Variants in PKHD1 observed in about 807,000 individuals in gnomAD.
PKHD1 encodes PKHD1 ciliary IPT domain containing fibrocystin/polyductin.
PKHD1 carries 291 observed loss-of-function variants against 412.0 expected under a neutral mutation model. The observed-to-expected ratio is 0.71, with a 90% CI of 0.64 to 0.78. The LOEUF (loss-of-function observed/expected upper bound fraction) is 0.78, where lower values mean the gene tolerates loss of function less well. PKHD1 is among the 30% of genes least tolerant of loss of function. The pLI is 0.00. For synonymous variants in PKHD1, 1,777 were observed against 1,821.5 expected (o/e 0.98, Z 0.62); for missense variants, 4,825 against 4,950.7 (o/e 0.97, Z 0.76).
At position 51,746,836 on chromosome 6, in the gene PKHD1, A is replaced by G. The variant is rs1461108525; in HGVS notation, c.9883T>C (p.Cys3295Arg). ...CTGTTCTCTGCATTTGGTAGAATGC[A>G]GACATCCAGGTCATCGCTATAGCAA... ...KSCYSDDLDV[C>R]ILPNAENSGI... The change falls in exon 59 of 67, where the codon TGC becomes CGC. Residue 3295 changes from cysteine to arginine, a missense_variant. By Grantham distance (180) the Cys-to-Arg change is radical (BLOSUM62 -3). Coordinates refer to ENST00000371117, the MANE Select transcript of PKHD1 (RefSeq NM_138694.4). The G allele has an allele frequency of 6.2e-7, 1 of 1,611,196 alleles. No homozygotes were observed. The highest frequency in any genetic ancestry group is 8.5e-7 in the Non-Finnish European group (1 of 1,177,742).
intron 52 of PKHD1, among the ~76,000 whole-genome samples, chr6:51,823,670 T>C (rs1271412394): frequency 6.6e-6 from 1 of 152,208 alleles, no homozygotes; most frequent in Non-Finnish European, 1.5e-5. Flanking sequence ...TATTTTTATG[T>C]TTATTCTGTC....
At position 51,990,486 on chromosome 6, in the gene PKHD1, G is replaced by A. The variant is rs184839660; in HGVS notation, c.5751+19823C>T. 2.8e-4 allele frequency among the ~76,000 whole-genome samples: 42 copies of A among 152,254 alleles called. No individual in the cohort carries two copies. The Middle Eastern group carries it at 0.014, about 49-fold the overall frequency. ...GGCAAGAATAAGTGAAGCCCCTCCC[G>A]TGTTTCAGAGCCCTTCCATATTTCA... is the stretch of plus-strand genomic sequence containing the variant. On this transcript the variant is annotated intron_variant, in intron 35 of 66. Coordinates refer to ENST00000371117, the MANE Select transcript of PKHD1 (RefSeq NM_138694.4).
chr6:52,042,244 C>G (rs1262258970), intron 27 of PKHD1, among the ~76,000 whole-genome samples: 11 of 152,122 alleles, frequency 7.2e-5, no homozygotes. Flanking sequence ...GAGTTTGTGG[C>G]CAAACCACAC....
chr6:52,080,528 A>G (rs1434817234), intron 4 of PKHD1, among the ~76,000 whole-genome samples: 1 of 152,194 alleles, frequency 6.6e-6, no homozygotes, highest in Non-Finnish European at 1.5e-5. Flanking sequence ...CCTGATGCTG[A>G]CATCCATGTT....
chr6:51,920,700 T>A (rs1784555090), intron 37 of PKHD1, among the ~76,000 whole-genome samples: 1 of 152,190 alleles, frequency 6.6e-6, no homozygotes, highest in African/African-American at 2.4e-5. Flanking sequence ...AGGAATGGTA[T>A]CAGCTGCTCT....
chr6:52,043,594 G>T, intron 26 of PKHD1, 31 bp downstream of exon 26: 1 of 1,468,394 alleles, frequency 6.8e-7, no homozygotes, highest in Non-Finnish European at 9.5e-7. Context: ...TCCGGCTTAA[G>T]CCCATCTCAG....
At chr6:52,038,129 C>T (rs1804233946) in intron 27 of PKHD1, among the ~76,000 whole-genome samples, 1 of 152,184 alleles carries the variant, frequency 6.6e-6, no homozygotes, top group African/African-American at 2.4e-5. Flanking sequence ...CGCCTGTAAT[C>T]TCAACACTTT....
chr6:51,830,226 G>A (rs1768015962), intron 52 of PKHD1, among the ~76,000 whole-genome samples: 1 of 150,442 alleles, frequency 6.6e-6, no homozygotes, highest in South Asian at 2.1e-4. Context: ...AGGCTAGGGA[G>A]ATATTCTGGA....
intron 37 of PKHD1, among the ~76,000 whole-genome samples, chr6:51,925,484 T>C (rs911760379): frequency 2.0e-5 from 3 of 151,592 alleles, no homozygotes; most frequent in South Asian, 2.1e-4. Context: ...TGTGTGTAGG[T>C]ATTTCTAACG....
At chr6:51,755,058 T>G in intron 55 of PKHD1, 120 bp from the exon 56 acceptor site, 1 of 885,342 alleles carries the variant, frequency 1.1e-6, no homozygotes. Context: ...GAAACTGAAA[T>G]AGAAATAAGA....
chr6:51,872,056 A>T (rs1430195234), intron 46 of PKHD1, among the ~76,000 whole-genome samples: 2 of 152,180 alleles, frequency 1.3e-5, no homozygotes, highest in Non-Finnish European at 2.9e-5. Context: ...ATTCAATATC[A>T]TAGAAAGTAG....
intron 36 of PKHD1, among the ~76,000 whole-genome samples, chr6:51,945,275 A>G (rs1462454187): frequency 6.6e-6 from 1 of 152,204 alleles, no homozygotes; most frequent in Non-Finnish European, 1.5e-5. Context: ...GACCTTGATG[A>G]GCAAGTGGTA....
intron 31 of PKHD1, among the ~76,000 whole-genome samples, chr6:52,027,547 A>AAG (rs1554200345): frequency 2.7e-5 from 4 of 149,090 alleles, no homozygotes; most frequent in African/African-American, 7.5e-5. Flanking sequence ...AAAAAAAAAA[A>AAG]AAGAAGAAGA....
At chr6:52,052,380 A>G (rs536597364) in intron 21 of PKHD1, among the ~76,000 whole-genome samples, 2 of 152,202 alleles carry the variant, frequency 1.3e-5, no homozygotes, top group Non-Finnish European at 2.9e-5. Flanking sequence ...AGGTGAGACC[A>G]CTGTGCCCAA....
At chr6:52,037,389 A>G (rs531923796) in intron 27 of PKHD1, among the ~76,000 whole-genome samples, 1 of 152,276 alleles carries the variant, frequency 6.6e-6, no homozygotes, top group Non-Finnish European at 1.5e-5. Flanking sequence ...TTATGTAAAA[A>G]TTAAAAATAT....
At chr6:51,894,752 C>T (rs111994702) in intron 43 of PKHD1, among the ~76,000 whole-genome samples, 1 of 152,212 alleles carries the variant, frequency 6.6e-6, no homozygotes, top group Non-Finnish European at 1.5e-5. Context: ...ATTAGGCCAT[C>T]TTCTTCAAGT....
chr6:51,621,250 C>A (rs549388735), intron 66 of PKHD1, among the ~76,000 whole-genome samples: 9 of 152,264 alleles, frequency 5.9e-5, no homozygotes, highest in African/African-American at 2.2e-4. Context: ...TCATTATGCC[C>A]AGTCCTCTGC....
chr6:51,768,007 T>C (rs927282222), intron 55 of PKHD1, among the ~76,000 whole-genome samples: 1 of 152,082 alleles, frequency 6.6e-6, no homozygotes, highest in South Asian at 2.1e-4. Flanking sequence ...ATGATCGCCA[T>C]TCTAACTGGT....
At chr6:51,637,820 C>T (rs1469741847) in intron 64 of PKHD1, among the ~76,000 whole-genome samples, 1 of 152,030 alleles carries the variant, frequency 6.6e-6, no homozygotes, top group Non-Finnish European at 1.5e-5. Context: ...AGAAGAATTG[C>T]TTGAACCTGG....
Sources: allele counts gnomAD v4.1 joint callset (sites outside exome capture counted in the v4.1 genomes callset), GRCh38; gene constraint gnomAD v4.1.1; transcripts MANE v1.5; gene names NCBI Gene and HGNC (gene_info 2026-07-23, HGNC 2026-07-21).